Variants in DGKG observed in about 807,000 individuals in gnomAD.
DGKG encodes the protein diacylglycerol kinase gamma.
In DGKG, 78 loss-of-function variants were observed where a neutral mutation model predicts 105.3. The observed-to-expected ratio is 0.74, with a 90% CI of 0.62 to 0.89. The LOEUF is 0.89. DGKG is among the 40% of genes least tolerant of loss of function. DGKG has a pLI of 0.00. For synonymous variants in DGKG, 346 were observed against 367.1 expected (o/e 0.94, Z 0.66); for missense variants, 958 against 1,020.1 (o/e 0.94, Z 0.83).
chr3:186,219,291 C>T (rs1480991686), intron 20 of DGKG, among the ~76,000 whole-genome samples: 4 of 152,148 alleles, frequency 2.6e-5, no homozygotes, highest in African/African-American at 9.7e-5. Flanking sequence ...CACCCAGCTG[C>T]CTTGGCCCAT....
chr3:186,346,640 T>G (rs1726343381), intron 1 of DGKG, among the ~76,000 whole-genome samples: 1 of 134,088 alleles, frequency 7.5e-6, no homozygotes, highest in South Asian at 2.1e-4. Context: ...GAATAGATTA[T>G]CCTAGAGTAA....
At chr3:186,287,628 C>G (rs905048742) in intron 6 of DGKG, among the ~76,000 whole-genome samples, 1 of 152,202 alleles carries the variant, frequency 6.6e-6, no homozygotes, top group African/African-American at 2.4e-5. Flanking sequence ...CAGCTAAATG[C>G]TGGAAATAAT....
Position 186,284,626 on chromosome 3 carries a change from A to G in DGKG, c.594+34T>C, listed in dbSNP as rs1234531221. The G allele has an allele frequency of 6.3e-7, 1 of 1,585,400 alleles. No individual in the cohort carries two copies. Among genetic ancestry groups the G allele is most frequent in the African/African-American group, 1.3e-5 (1 of 74,420 alleles). ...GCTCCCTGCTCCCCCAGCCTTTCTC[A>G]GGTCCATGAGGGATATTTAGAGTGA... On this transcript the variant is annotated intron_variant, in intron 7 of 24. Transcript: ENST00000265022. The surrounding 1 kb of genome is among the most constrained non-coding windows in gnomAD (Gnocchi z 4.0).
rs1387476664 is a variant in DGKG at position 186,342,285 on chromosome 3, G to A, written c.-249+19661C>T. ...CACCTAGAGATATCATGAGTGAGCAGAATATGGTAAAGAACACATGTGAGT... is the reference window on the plus strand; with the variant it reads ...CACCTAGAGATATCATGAGTGAGCAAAATATGGTAAAGAACACATGTGAGT... On this transcript the variant is annotated intron_variant, in intron 1 of 24. Transcript: ENST00000265022. Among the ~76,000 whole-genome samples, 7 of 152,184 alleles carry A rather than the reference G, an allele frequency of 4.6e-5. No homozygotes were observed. The South Asian group carries it at 1.4e-3, about 32-fold the overall frequency.
chr3:186,220,935 C>T (rs189783807), intron 20 of DGKG, among the ~76,000 whole-genome samples: 7 of 152,342 alleles, frequency 4.6e-5, no homozygotes, highest in Admixed American at 3.9e-4. Flanking sequence ...ACAGTATCTC[C>T]TCCTAAGGGC....
chr3:186,242,898 T>G (rs1040375458), intron 19 of DGKG, among the ~76,000 whole-genome samples: 2 of 152,008 alleles, frequency 1.3e-5, no homozygotes, highest in African/African-American at 4.8e-5. Context: ...AGACTGAGAG[T>G]CTGTGAGCAG....
chr3:186,297,520 G>T, intron 4 of DGKG, 37 bp from the exon 5 acceptor site: 1 of 1,476,132 alleles, frequency 6.8e-7, no homozygotes, highest in Non-Finnish European at 9.5e-7. Context: ...ACCAACCCAG[G>T]CCCTCTAGCT....
intron 1 of DGKG, among the ~76,000 whole-genome samples, chr3:186,340,418 C>T (rs1380431722): frequency 1.3e-5 from 2 of 152,050 alleles, no homozygotes; most frequent in Non-Finnish European, 2.9e-5. Context: ...AATTACAACC[C>T]AATTGGAGGG....
At chr3:186,334,484 T>C (rs1026854165) in intron 1 of DGKG, among the ~76,000 whole-genome samples, 1 of 152,220 alleles carries the variant, frequency 6.6e-6, no homozygotes, top group African/African-American at 2.4e-5. Context: ...TAGTAATGAT[T>C]CGGCACTGTG....
chr3:186,199,482 A>G (rs1469141150), intron 21 of DGKG, among the ~76,000 whole-genome samples: 2 of 152,074 alleles, frequency 1.3e-5, no homozygotes, highest in Non-Finnish European at 2.9e-5. Context: ...TTTATGTCTA[A>G]TCTTCACAAC....
chr3:186,244,781 A>C (rs547128270), intron 19 of DGKG, among the ~76,000 whole-genome samples: 1 of 152,152 alleles, frequency 6.6e-6, no homozygotes, highest in Admixed American at 6.5e-5. Flanking sequence ...CACGGGTGAG[A>C]TGTGCGGACC....
At chr3:186,251,591 T>C (rs1343503512) in intron 19 of DGKG, among the ~76,000 whole-genome samples, 168 bp downstream of exon 19, 2 of 152,008 alleles carry the variant, frequency 1.3e-5, no homozygotes, top group Non-Finnish European at 2.9e-5. Flanking sequence ...GGGGGTGCAA[T>C]CAGGGTGTCC....
At chr3:186,262,113 GA>G (rs1353711594) in intron 14 of DGKG, among the ~76,000 whole-genome samples, 1 of 152,156 alleles carries the variant, frequency 6.6e-6, no homozygotes, top group Non-Finnish European at 1.5e-5. Context: ...TATGATCTTA[GA>G]AAGCACGGCC....
chr3:186,343,115 A>G (rs892882126), intron 1 of DGKG, among the ~76,000 whole-genome samples: 3 of 152,188 alleles, frequency 2.0e-5, no homozygotes, highest in African/African-American at 4.8e-5. Context: ...GAACTGGGCC[A>G]GTTCATTTTA....
In DGKG at chr3:186,164,892, G is replaced by T. The variant is rs1182520765; in HGVS notation, c.2216+6C>A. The T allele has an allele frequency of 1.9e-6, 3 of 1,610,262 alleles. No individual in the cohort carries two copies. The highest frequency in any genetic ancestry group is 2.2e-5 in the South Asian group (2 of 90,630). On this transcript the variant is annotated splice_donor_region_variant and intron_variant, in intron 23 of 24. Coordinates refer to ENST00000265022, the MANE Select transcript of DGKG (RefSeq NM_001346.3). Reference sequence around the variant, plus strand: ...GCAGAGGCTGTTGGGTGACAAAGAGGCATACCTGATGGTGACAGAGGCGCA... The same window carrying T: ...GCAGAGGCTGTTGGGTGACAAAGAGTCATACCTGATGGTGACAGAGGCGCA...
Position 186,298,208 on chromosome 3 carries a change from T to G in DGKG, c.166A>C (p.Lys56Gln). 6.2e-7 allele frequency: 1 copy of G among 1,608,956 alleles called. No homozygotes were observed. Among genetic ancestry groups the G allele is most frequent in the Non-Finnish European group, 8.5e-7 (1 of 1,177,938 alleles). ...TCCAGGTACGCCCTCATGAACAGCT[T>G]GAAGACATCATAGCTAATCGGCTGA... ...PHEPISYDVF[K>Q]LFMRAYLEVD... is the part of the protein sequence containing the mutation. The change falls in exon 4 of 25, where the codon AAG (lysine) becomes CAG (glutamine). Residue 56 changes from lysine to glutamine, a missense_variant. By Grantham distance (53) the Lys-to-Gln change is moderately conservative. Coordinates refer to ENST00000265022, the MANE Select transcript of DGKG (RefSeq NM_001346.3).
At chr3:186,292,606 C>T (rs1723359958) in intron 5 of DGKG, among the ~76,000 whole-genome samples, 1 of 152,090 alleles carries the variant, frequency 6.6e-6, no homozygotes, top group South Asian at 2.1e-4. Context: ...CCAGCCTGGC[C>T]AACATGGTGA....
chr3:186,338,214 T>C (rs1449409195), intron 1 of DGKG, among the ~76,000 whole-genome samples: 1 of 149,518 alleles, frequency 6.7e-6, no homozygotes, highest in Non-Finnish European at 1.5e-5. Flanking sequence ...AGAATGTACA[T>C]TGGAGTGAAT....
At chr3:186,304,366 C>A (rs1166002019) in intron 3 of DGKG, among the ~76,000 whole-genome samples, 1 of 152,220 alleles carries the variant, frequency 6.6e-6, no homozygotes, top group East Asian at 1.9e-4. Context: ...TTCTGGCAAC[C>A]TTCTTCCTGC....
Sources: gnomAD v4.1 joint callset for allele counts (sites outside exome capture counted in the v4.1 genomes callset) on GRCh38, gnomAD v4.1.1 for gene constraint, Gnocchi (gnomAD v3.1) non-coding constraint, MANE v1.5 for transcripts, NCBI Gene and HGNC (gene_info 2026-07-23, HGNC 2026-07-21) for gene names.